CLGN: variants seen among roughly 807,000 people sequenced by gnomAD.
CLGN encodes the protein calmegin, also known as testis tissue sperm-binding protein Li 79P.
Under a neutral mutation model 79.1 loss-of-function variants are expected in CLGN, and 62 were observed. The observed-to-expected ratio is 0.78, with a 90% confidence interval of 0.64 to 0.97. CLGN has a LOEUF of 0.97. Ranked by LOEUF, CLGN falls within the 50% of genes least tolerant of loss-of-function variation. The pLI is 0.00. For missense variants in CLGN, 647 were observed against 715.5 expected, an observed-to-expected ratio of 0.90 and a Z score of 1.09; for synonymous variants, 225 against 224.7, an observed-to-expected ratio of 1.00 and a Z score of -0.01.
chr4:140,405,593 A>C (rs1370734629), intron 5 of CLGN, among the ~76,000 whole-genome samples: 1 of 152,208 alleles, frequency 6.6e-6, no homozygotes, highest in South Asian at 2.1e-4. Flanking sequence ...TAATTTTTAA[A>C]TTTTTTTAAG....
intron 2 of CLGN, among the ~76,000 whole-genome samples, chr4:140,411,342 G>A (rs1729206972): frequency 6.6e-6 from 1 of 152,038 alleles, no homozygotes; most frequent in South Asian, 2.1e-4. Flanking sequence ...AGCCAAGACT[G>A]TCTGGCTCCA....
chr4:140,405,474 G>A (rs919412507), intron 5 of CLGN, among the ~76,000 whole-genome samples: 3 of 152,018 alleles, frequency 2.0e-5, no homozygotes, highest in East Asian at 1.9e-4. Context: ...GTGAGCCACC[G>A]CGCCCGGCGA....
chr4:140,408,924 T>A (rs1224355778), intron 4 of CLGN, among the ~76,000 whole-genome samples: 3 of 150,420 alleles, frequency 2.0e-5, no homozygotes, highest in Non-Finnish European at 4.4e-5. Flanking sequence ...TATGTGTATA[T>A]GTATATATAT....
intron 1 of CLGN, among the ~76,000 whole-genome samples, chr4:140,414,103 A>G (rs1355353134): frequency 6.6e-6 from 1 of 152,200 alleles, no homozygotes; most frequent in Non-Finnish European, 1.5e-5. Flanking sequence ...GACACCTCAC[A>G]CGGCAGGGTA....
At position 140,389,291 on chromosome 4, in the gene CLGN, T is replaced by C; in HGVS notation, c.1766A>G (p.Asp589Gly). 6.2e-7 allele frequency: 1 copy of C among 1,612,076 alleles called. No individual in the cohort carries two copies. Among genetic ancestry groups the C allele is most frequent in the Non-Finnish European group, 8.5e-7 (1 of 1,178,642 alleles). The change falls in exon 15 of 15, where the codon GAT (aspartate) becomes GGT (glycine). Residue 589 changes from aspartate to glycine, a missense_variant. Asp to Gly is a moderately conservative substitution (Grantham distance 94). Coordinates refer to ENST00000325617, the MANE Select transcript of CLGN (RefSeq NM_004362.3). ...SGSEDEMKEA[D>G]ESTGSGDGPI... Reference sequence around the variant, plus strand: ...CCCATCTCCAGATCCTGTGCTCTCATCTGCTTCTTTCATCTAGAAAAAATA... The same window carrying C: ...CCCATCTCCAGATCCTGTGCTCTCACCTGCTTCTTTCATCTAGAAAAAATA...
chr4:140,410,572 CAA>C lies in CLGN; in HGVS notation c.197_198del (p.Phe66Ter). The C allele has an allele frequency of 6.2e-7, 1 of 1,603,008 alleles. No homozygotes were observed. Among genetic ancestry groups the C allele is most frequent in the Non-Finnish European group, 8.5e-7 (1 of 1,170,474 alleles). ...ACTCACCCAGCCAACCTTCCACTAT[CAA>C]AAGTTTCTGCAAAATATACTTCTCC... is the stretch of plus-strand genomic sequence containing the variant. The part of the protein sequence containing the change: ...PIGEVYFAET[F>X]DSGRLAGWVL... On this transcript the variant is annotated frameshift_variant, in exon 3 of 15. Coordinates refer to ENST00000325617, the MANE Select transcript of CLGN (RefSeq NM_004362.3). LOFTEE classifies it high-confidence loss of function.
intron 1 of CLGN, chr4:140,426,928 T>G (rs1420692704): frequency 6.6e-6 from 1 of 152,360 alleles, no homozygotes; most frequent in African/African-American, 2.4e-5. Flanking sequence ...TCTGCGCGGG[T>G]ATCGAGGGAG....
At chr4:140,409,789 A>G (rs1047843160) in intron 4 of CLGN, 48 bp downstream of exon 4, 22 of 1,250,584 alleles carry the variant, frequency 1.8e-5, no homozygotes, top group Non-Finnish European at 2.4e-5. Context: ...AAGTTTAGTG[A>G]ACTCCAGGCC....
intron 8 of CLGN, among the ~76,000 whole-genome samples, chr4:140,396,906 T>TAC (rs1728897967): frequency 1.6e-5 from 1 of 63,364 alleles, no homozygotes; most frequent in Admixed American, 2.3e-4. Flanking sequence ...TATATATATA[T>TAC]GTATATATAT....
chr4:140,415,384 C>T (rs1406964228), intron 1 of CLGN, among the ~76,000 whole-genome samples: 1 of 150,328 alleles, frequency 6.7e-6, no homozygotes, highest in East Asian at 2.0e-4. Flanking sequence ...CTAAATGCTC[C>T]AATTAAAAGA....
intron 8 of CLGN, 44 bp from the exon 9 acceptor site, chr4:140,396,249 A>T (rs1728872270): frequency 1.4e-6 from 2 of 1,425,554 alleles, no homozygotes; most frequent in Non-Finnish European, 2.0e-6. Context: ...CAGAAAGTTT[A>T]AAAATGCATG....
At chr4:140,404,140 C>T (rs1482076692) in intron 5 of CLGN, among the ~76,000 whole-genome samples, 9 of 151,866 alleles carry the variant, frequency 5.9e-5, no homozygotes, top group Admixed American at 5.9e-4. Context: ...GTTGCCCAGG[C>T]TGGAGTGCAG....
intron 1 of CLGN, among the ~76,000 whole-genome samples, chr4:140,421,144 T>C (rs1729461441): frequency 6.6e-6 from 1 of 152,174 alleles, no homozygotes; most frequent in South Asian, 2.1e-4. Context: ...CCTTCCTTTT[T>C]AAAGCTGGAC....
At chr4:140,392,556 A>G in intron 12 of CLGN, 30 bp downstream of exon 12, 1 of 1,570,244 alleles carries the variant, frequency 6.4e-7, no homozygotes, top group Non-Finnish European at 8.6e-7. Context: ...ATTTGGGTGA[A>G]AAAAGTTGAA....
chr4:140,419,933 C>T (rs1729431742), intron 1 of CLGN, among the ~76,000 whole-genome samples: 1 of 152,110 alleles, frequency 6.6e-6, no homozygotes, highest in African/African-American at 2.4e-5. Flanking sequence ...CTAAAAGCTT[C>T]ATTGTTCTAA....
In CLGN at chr4:140,388,890, G is replaced by T; in HGVS notation, c.*334C>A. ...CATTTAAGTGGAAATTCCAATAACT[G>T]ATTTTTCCAATAGCAATGAAGCTGC... On this transcript the variant is annotated 3_prime_UTR_variant, in exon 15 of 15. Coordinates refer to ENST00000325617, the MANE Select transcript of CLGN (RefSeq NM_004362.3). 5.0e-6 allele frequency: 1 copy of T among 199,738 alleles called. No individual in the cohort carries two copies. Among genetic ancestry groups the T allele is most frequent in the Non-Finnish European group, 1.0e-5 (1 of 98,506 alleles). The allele number at this position is 199,738 out of a possible 1,614,324, so 12.4% of individuals were successfully genotyped here.
At chr4:140,392,085 G>A (rs1728783342) in intron 13 of CLGN, 134 bp downstream of exon 13, 2 of 1,097,260 alleles carry the variant, frequency 1.8e-6, no homozygotes, top group African/African-American at 1.6e-5. Context: ...TCTTGCCACA[G>A]TCACATATTC....
intron 1 of CLGN, among the ~76,000 whole-genome samples, 189 bp downstream of exon 1, chr4:140,427,348 C>T (rs1021111810): frequency 2.2e-4 from 33 of 152,212 alleles, no homozygotes; most frequent in Non-Finnish European, 4.3e-4. Flanking sequence ...AGAGCCCAGT[C>T]AAGACCCTAG....
At chr4:140,419,362 A>G (rs1302469653) in intron 1 of CLGN, among the ~76,000 whole-genome samples, 1 of 152,188 alleles carries the variant, frequency 6.6e-6, no homozygotes, top group African/African-American at 2.4e-5. Flanking sequence ...ATAAAAAAAA[A>G]ATCTAAAGAT....
Sources: gnomAD v4.1 joint callset for allele counts (sites outside exome capture counted in the v4.1 genomes callset) on GRCh38, gnomAD v4.1.1 for gene constraint, MANE v1.5 for transcripts, NCBI Gene and HGNC (gene_info 2026-07-23, HGNC 2026-07-21) for gene names.